The following USH2A variants were observed in gnomAD, a reference collection of about 807,000 sequenced individuals.
USH2A encodes Usher syndrome 2A (autosomal recessive, mild).
USH2A carries 443 observed loss-of-function variants against 538.9 expected under a neutral mutation model. The ratio of observed to expected loss-of-function variants is 0.82; its 90% CI spans 0.76 to 0.89. The LOEUF is 0.89. Among genes scored for constraint, USH2A ranks in the 40% least tolerant of loss-of-function variants. USH2A has a pLI of 0.00. For missense variants in USH2A, 6,633 were observed against 6,324.8 expected, an observed-to-expected ratio of 1.05 and a Z score of -1.65; for synonymous variants, 2,413 against 2,273.5, an observed-to-expected ratio of 1.06 and a Z score of -1.75.
chr1:216,106,739 G>T (rs1446000708), intron 21 of USH2A, among the ~76,000 whole-genome samples: 2 of 151,680 alleles, frequency 1.3e-5, no homozygotes, highest in African/African-American at 2.4e-5. Context: ...GTTTTAAGAA[G>T]AAGCTTAGGA....
intron 37 of USH2A, among the ~76,000 whole-genome samples, chr1:215,941,711 T>C (rs1666637857): frequency 6.6e-6 from 1 of 152,140 alleles, no homozygotes; most frequent in South Asian, 2.1e-4. Context: ...CAACCATTAT[T>C]GATCCCAGAC....
At chr1:215,919,861 G>A (rs1376565479) in intron 38 of USH2A, among the ~76,000 whole-genome samples, 2 of 151,994 alleles carry the variant, frequency 1.3e-5, no homozygotes, top group African/African-American at 4.8e-5. Flanking sequence ...AGAGTAGCCT[G>A]CATCCAGTCA....
Position 216,079,446 on chromosome 1 carries a change from A to G in USH2A, c.5299-1084T>C, listed in dbSNP as rs563406055. On this transcript the variant is annotated intron_variant, in intron 26 of 71. Coordinates refer to ENST00000307340, the MANE Select transcript of USH2A (RefSeq NM_206933.4). The stretch of plus-strand genomic sequence containing the variant: ...GGTTTAAAGCAAGGTTTTAGAAACT[A>G]TATAAGATTCATGGAGGGTCCCCCA... Among the ~76,000 whole-genome samples the G allele has an allele frequency of 1.0e-3, 153 of 152,302 alleles. 1 individual carries two copies. The highest frequency in any genetic ancestry group is 3.3e-3 in the African/African-American group (138 of 41,586).
chr1:216,184,722 A>G (rs575458312), intron 20 of USH2A, among the ~76,000 whole-genome samples: 1 of 152,096 alleles, frequency 6.6e-6, no homozygotes, highest in African/African-American at 2.4e-5. Flanking sequence ...TGTAATTAAA[A>G]TTATAAATTA....
rs1558027641 is a variant in USH2A at position 215,627,465 on chromosome 1, CTTCCTTCCTTCCTTCCTTCT to C, written c.15519+1329_15519+1348del. Among the ~76,000 whole-genome samples, 253 of 132,604 alleles carry C rather than the reference CTTCCTTCCTTCCTTCCTTCT, an allele frequency of 1.9e-3. 3 individuals are homozygous for C. The highest frequency in any genetic ancestry group is 4.5e-3 in the South Asian group (17 of 3,802). 87.0% of individuals were successfully genotyped at this position (132,604 alleles called of 152,430 possible). ...CCTTCCTTCCTTCCTTCCTTCCTTC[CTTCCTTCCTTCCTTCCTTCT>C]TTCCTTCCTTCCTTCCTTCTTTCCT... On this transcript the variant is annotated intron_variant, in intron 71 of 71. Transcript: ENST00000307340.
intron 20 of USH2A, among the ~76,000 whole-genome samples, chr1:216,189,049 T>C (rs2034665201): frequency 6.6e-6 from 1 of 151,954 alleles, no homozygotes; most frequent in Admixed American, 6.6e-5. Flanking sequence ...CAGATAGTTT[T>C]ATAGGAGAAG....
chr1:216,043,319 C>A lies in USH2A; in HGVS notation c.6325+3112G>T, dbSNP rs534560945. Among the ~76,000 whole-genome samples the A allele has an allele frequency of 5.3e-5, 8 of 151,918 alleles. No homozygotes were observed. In the East Asian group the frequency reaches 1.6e-3, roughly 29 times the overall value. ...CCATATTAACTTTCTCAGTTTATTTCCCCTCCTTGACCAGCATTGCAGTCC... is the reference window on the plus strand; with the variant it reads ...CCATATTAACTTTCTCAGTTTATTTACCCTCCTTGACCAGCATTGCAGTCC... On this transcript the variant is annotated intron_variant, in intron 32 of 71. Coordinates refer to ENST00000307340, the MANE Select transcript of USH2A (RefSeq NM_206933.4).
intron 14 of USH2A, among the ~76,000 whole-genome samples, chr1:216,224,448 G>A (rs1051857060): frequency 1.3e-5 from 2 of 152,110 alleles, no homozygotes; most frequent in Non-Finnish European, 2.9e-5. Flanking sequence ...ATTAAATCAT[G>A]TTTGCTTTAT....
At chr1:215,785,135 G>T (rs1238169750) in intron 52 of USH2A, among the ~76,000 whole-genome samples, 2 of 152,294 alleles carry the variant, frequency 1.3e-5, no homozygotes, top group East Asian at 3.9e-4. Context: ...AAACAAAAAT[G>T]CCCTATTCAT....
At chr1:215,653,294 A>G (rs912269731) in intron 64 of USH2A, among the ~76,000 whole-genome samples, 2 of 152,144 alleles carry the variant, frequency 1.3e-5, no homozygotes, top group African/African-American at 4.8e-5. Context: ...TTTCCTTGGA[A>G]ATATTCTCTT....
chr1:216,099,690 G>A (rs779535028), intron 21 of USH2A, among the ~76,000 whole-genome samples: 2 of 152,166 alleles, frequency 1.3e-5, no homozygotes, highest in Non-Finnish European at 2.9e-5. Context: ...GGCACATTAA[G>A]ACATATTGAT....
chr1:216,296,282 A>G (rs1266108218), intron 9 of USH2A, among the ~76,000 whole-genome samples: 4 of 152,074 alleles, frequency 2.6e-5, no homozygotes, highest in African/African-American at 9.7e-5. Flanking sequence ...GGTCAATTAA[A>G]ATATCACTGT....
intron 3 of USH2A, among the ~76,000 whole-genome samples, chr1:216,379,679 C>T (rs2038896482): frequency 6.6e-6 from 1 of 152,148 alleles, no homozygotes; most frequent in South Asian, 2.1e-4. Flanking sequence ...TAGAGACTTA[C>T]AATGGGGAGA....
At chr1:216,303,118 G>T (rs895830585) in intron 9 of USH2A, among the ~76,000 whole-genome samples, 13 of 151,610 alleles carry the variant, frequency 8.6e-5, no homozygotes, top group African/African-American at 2.9e-4. Context: ...GATTGTTCAG[G>T]GCACTAAATA....
At chr1:216,146,979 G>C (rs1255436200) in intron 21 of USH2A, among the ~76,000 whole-genome samples, 1 of 152,124 alleles carries the variant, frequency 6.6e-6, no homozygotes, top group Non-Finnish European at 1.5e-5. Flanking sequence ...ATGGCACTTT[G>C]AATTTTTCCA....
chr1:215,629,032 A>AC lies in USH2A; in HGVS notation c.15300dup (p.Leu5101ValfsTer77). ...GACCGGGGAATTTTGGTATCGGCTA[A>AC]CCCCTGAGAAGGAAGTTGCTGTGAG... On this transcript the variant is annotated frameshift_variant, in exon 71 of 72. Transcript: ENST00000307340. LOFTEE classifies it high-confidence loss of function. 6.2e-7 allele frequency: 1 copy of AC among 1,612,870 alleles called. No individual in the cohort carries two copies. The highest frequency in any genetic ancestry group is 8.5e-7 in the Non-Finnish European group (1 of 1,180,016).
intron 3 of USH2A, among the ~76,000 whole-genome samples, chr1:216,407,029 A>G (rs2102767932): frequency 6.6e-6 from 1 of 152,114 alleles, no homozygotes; most frequent in Admixed American, 6.6e-5. Context: ...TGGGTCTTGA[A>G]TTTTGCCCCA....
chr1:215,724,989 C>G (rs1414841515), intron 61 of USH2A, among the ~76,000 whole-genome samples: 2 of 152,098 alleles, frequency 1.3e-5, no homozygotes, highest in Non-Finnish European at 2.9e-5. Context: ...AAGAAACATT[C>G]TTCTGTGACG....
intron 9 of USH2A, among the ~76,000 whole-genome samples, chr1:216,297,868 G>T (rs1038590728): frequency 6.6e-6 from 1 of 152,146 alleles, no homozygotes; most frequent in Admixed American, 6.5e-5. Flanking sequence ...GTAGCCCTAT[G>T]TGTGGGGACG....
Sources: gnomAD v4.1 joint callset for allele counts (sites outside exome capture counted in the v4.1 genomes callset) on GRCh38, gnomAD v4.1.1 for gene constraint, MANE v1.5 for transcripts, NCBI Gene and HGNC (gene_info 2026-07-23, HGNC 2026-07-21) for gene names.